GRM8: variants seen among roughly 807,000 people sequenced by gnomAD.
GRM8 encodes the protein glutamate metabotropic receptor 8, also known as metabotropic glutamate receptor 8.
A neutral mutation model predicts 87.2 loss-of-function variants in GRM8; 47 were observed. The observed-to-expected ratio is 0.54, with a 90% confidence interval of 0.43 to 0.69. The LOEUF (loss-of-function observed/expected upper bound fraction) is 0.69. Ranked by LOEUF, GRM8 falls within the 30% of genes least tolerant of loss-of-function variation. The pLI is 0.00. For synonymous variants in GRM8, 396 were observed against 404.5 expected (o/e 0.98, Z 0.25); for missense variants, 1,019 against 1,139.2 (o/e 0.89, Z 1.52).
chr7:126,484,875 G>C (rs1016475222), intron 9 of GRM8, among the ~76,000 whole-genome samples: 1 of 117,262 alleles, frequency 8.5e-6, no homozygotes, highest in African/African-American at 3.6e-5. Flanking sequence ...ATCGTTAAAC[G>C]TTTTTTGTTT....
Position 126,962,389 on chromosome 7 carries a change from A to G in GRM8, c.728-57706T>C, listed in dbSNP as rs17865931. ...ATGGTCAAGATGTGAAAAGCAAAGCAAAAATAAGATTATAGCACCAGGAAT... is the reference window on the plus strand; with the variant it reads ...ATGGTCAAGATGTGAAAAGCAAAGCGAAAATAAGATTATAGCACCAGGAAT... On this transcript the variant is annotated intron_variant, in intron 3 of 10. Transcript: ENST00000339582. Among the ~76,000 whole-genome samples the G allele has an allele frequency of 1.5e-4, 23 of 152,378 alleles. No individual in the cohort carries two copies. In the East Asian group the frequency reaches 4.0e-3, roughly 27 times the overall value.
chr7:126,818,922 A>G (rs1163256147), intron 6 of GRM8, among the ~76,000 whole-genome samples: 1 of 152,160 alleles, frequency 6.6e-6, no homozygotes, highest in Non-Finnish European at 1.5e-5. Context: ...ATATCAATCA[A>G]TTAGGGATTC....
At chr7:126,949,342 C>T (rs968620617) in intron 3 of GRM8, among the ~76,000 whole-genome samples, 1 of 152,098 alleles carries the variant, frequency 6.6e-6, no homozygotes, top group Non-Finnish European at 1.5e-5. Context: ...TGATCCACAG[C>T]AGCATTTCTT....
chr7:127,000,210 A>T (rs1813591254), intron 3 of GRM8, among the ~76,000 whole-genome samples: 1 of 151,778 alleles, frequency 6.6e-6, no homozygotes, highest in Non-Finnish European at 1.5e-5. Context: ...GAACTCATGG[A>T]GAGAGCAGAA....
At chr7:126,632,972 G>T (rs1333117746) in intron 7 of GRM8, among the ~76,000 whole-genome samples, 1 of 151,940 alleles carries the variant, frequency 6.6e-6, no homozygotes, top group African/African-American at 2.4e-5. Context: ...TTAGTAAAGT[G>T]TAAACTAATC....
Position 127,252,858 on chromosome 7 carries a change from GCC to G in GRM8, c.-375_-374del. ...CGGGGGCCCGCAGCTCCATGTCAGC[GCC>G]GCCGCCGCCGCCGCCGCCGCCGCGT... On this transcript the variant is annotated 5_prime_UTR_variant, in exon 1 of 11. Coordinates refer to ENST00000339582, the MANE Select transcript of GRM8 (RefSeq NM_000845.3). This position sits in a 1 kb window ranked among gnomAD's most constrained non-coding sequence, Gnocchi z 4.9. The G allele has an allele frequency of 5.3e-6, 1 of 190,048 alleles. No individual in the cohort carries two copies. Among genetic ancestry groups the G allele is most frequent in the Non-Finnish European group, 1.1e-5 (1 of 94,782 alleles). 11.8% of individuals were successfully genotyped at this position (190,048 alleles called of 1,614,324 possible).
chr7:127,036,459 T>G (rs960777859), intron 3 of GRM8, among the ~76,000 whole-genome samples: 1 of 152,196 alleles, frequency 6.6e-6, no homozygotes, highest in Admixed American at 6.5e-5. Flanking sequence ...TATCCTCAAC[T>G]AGGTGGAAGG....
At chr7:126,854,710 C>G (rs1401725175) in intron 6 of GRM8, among the ~76,000 whole-genome samples, 1 of 152,138 alleles carries the variant, frequency 6.6e-6, no homozygotes, top group Non-Finnish European at 1.5e-5. Context: ...TAATTTCTGT[C>G]TTTACTGTGC....
chr7:127,215,277 A>G (rs192163619), intron 2 of GRM8: 18 of 152,302 alleles, frequency 1.2e-4, no homozygotes, highest in Non-Finnish European at 2.2e-4. Context: ...CTAAACCTTC[A>G]TGAGTTCAGA....
intron 2 of GRM8, among the ~76,000 whole-genome samples, chr7:127,119,451 A>C (rs1826897822): frequency 6.6e-6 from 1 of 151,392 alleles, no homozygotes; most frequent in Non-Finnish European, 1.5e-5. Flanking sequence ...GTGCCATTGC[A>C]CTCCAGCCTG....
intron 3 of GRM8, among the ~76,000 whole-genome samples, chr7:127,075,285 A>G (rs553769645): frequency 6.6e-6 from 1 of 152,318 alleles, no homozygotes; most frequent in East Asian, 1.9e-4. Flanking sequence ...TGTTTTCCAC[A>G]AAATGTAGCA....
In GRM8 at chr7:126,769,974, C is replaced by T. The variant is rs745391183; in HGVS notation, c.1248G>A (p.Leu416=). 1 of 1,611,820 alleles carries T rather than the reference C, an allele frequency of 6.2e-7. No individual in the cohort carries two copies. Among genetic ancestry groups the T allele is most frequent in the Non-Finnish European group, 8.5e-7 (1 of 1,178,186 alleles). The part of the protein sequence containing the change: ...IDAVYSMAYA[L]HNMHKDLCPG... Reference sequence around the variant, plus strand: ...GGCAGAGATCTTTGTGCATATTGTGCAGGGCGTAAGCCATGGAATATACAG... The same window carrying T: ...GGCAGAGATCTTTGTGCATATTGTGTAGGGCGTAAGCCATGGAATATACAG... Residue 416 remains leucine (L), a synonymous_variant, in exon 7 of 11, where the codon CTG becomes CTA. Transcript: ENST00000339582.
chr7:126,460,224 AGAAAAT>A (rs1418382795), intron 9 of GRM8, among the ~76,000 whole-genome samples: 2 of 151,564 alleles, frequency 1.3e-5, no homozygotes. Flanking sequence ...GAAGCACTCC[AGAAAAT>A]TAAAACTTTA....
At chr7:126,478,651 G>T (rs1806287317) in intron 9 of GRM8, among the ~76,000 whole-genome samples, 1 of 152,060 alleles carries the variant, frequency 6.6e-6, no homozygotes, top group African/African-American at 2.4e-5. Context: ...GTAGCCAAAT[G>T]ATATGAGCAT....
intron 7 of GRM8, among the ~76,000 whole-genome samples, chr7:126,643,808 A>C (rs1487640153): frequency 2.6e-5 from 4 of 152,260 alleles, no homozygotes; most frequent in African/African-American, 9.6e-5. Flanking sequence ...CCTATGCTTC[A>C]ACATTATTCT....
chr7:126,453,102 CACACACACACAT>C lies in GRM8; in HGVS notation c.2431-6742_2431-6731del, dbSNP rs1472682177. Among the ~76,000 whole-genome samples, 1,176 of 147,804 alleles carry C rather than the reference CACACACACACAT, an allele frequency of 8.0e-3. 21 individuals carry two copies. Among genetic ancestry groups the C allele is most frequent in the African/African-American group, 0.029 (1,137 of 39,104 alleles). ...ACACACACACACACACACACACACACACACACACACATACAAGCAAAATGGTTTATTCATAAG... is the reference window on the plus strand; with the variant it reads ...ACACACACACACACACACACACACACACAAGCAAAATGGTTTATTCATAAG... On this transcript the variant is annotated intron_variant, in intron 9 of 10. Coordinates refer to ENST00000339582, the MANE Select transcript of GRM8 (RefSeq NM_000845.3).
chr7:126,920,156 C>A (rs1412095298), intron 3 of GRM8, among the ~76,000 whole-genome samples: 1 of 152,048 alleles, frequency 6.6e-6, no homozygotes, highest in Admixed American at 6.6e-5. Flanking sequence ...CTCCATTCAC[C>A]GTGTGAGAAC....
At chr7:126,529,178 T>A (rs1814397916) in intron 9 of GRM8, among the ~76,000 whole-genome samples, 1 of 152,098 alleles carries the variant, frequency 6.6e-6, no homozygotes, top group South Asian at 2.1e-4. Flanking sequence ...GGGAAACCAT[T>A]TTTTTCAGAA....
At chr7:127,024,732 T>C (rs1031469182) in intron 3 of GRM8, among the ~76,000 whole-genome samples, 2 of 152,044 alleles carry the variant, frequency 1.3e-5, no homozygotes, top group Non-Finnish European at 2.9e-5. Context: ...TATTCCTGGT[T>C]TTAGCACCTG....
Sources: allele counts gnomAD v4.1 joint callset (sites outside exome capture counted in the v4.1 genomes callset), GRCh38; gene constraint gnomAD v4.1.1; non-coding constraint Gnocchi (gnomAD v3.1); transcripts MANE v1.5; gene names NCBI Gene and HGNC (gene_info 2026-07-23, HGNC 2026-07-21).